Variants in CATSPERT observed in about 807,000 individuals in gnomAD.
CATSPERT encodes the protein catsper channel auxiliary subunit tau, also known as cation channel sperm-associated targeting subunit tau.
chr2:201,618,844 C>G, the CATSPERT span: 4 of 1,554,632 alleles, frequency 2.6e-6, no homozygotes, highest in Non-Finnish European at 2.6e-6. Context: ...CACCACCCTC[C>G]AGGTGCCCTG....
At chr2:201,592,598 A>G in the CATSPERT span, among the ~76,000 whole-genome samples, 19 of 151,016 alleles carry the variant, frequency 1.3e-4, no homozygotes, top group African/African-American at 4.4e-4. Flanking sequence ...TCGGCTGTGA[A>G]TCCATCTGGT....
the CATSPERT span, chr2:201,557,087 A>T: frequency 6.6e-6 from 1 of 152,086 alleles, no homozygotes; most frequent in Admixed American, 6.6e-5. Flanking sequence ...AACTATTCAA[A>T]CCTTAAAACT....
chr2:201,576,521 C>A, the CATSPERT span, among the ~76,000 whole-genome samples: 6 of 152,194 alleles, frequency 3.9e-5, no homozygotes, highest in African/African-American at 1.4e-4. Context: ...TCCCCATAGG[C>A]CAGTTCGTTA....
At chr2:201,605,052 A>G in the CATSPERT span, among the ~76,000 whole-genome samples, 1 of 123,158 alleles carries the variant, frequency 8.1e-6, no homozygotes, top group African/African-American at 3.0e-5. Context: ...TCAAATATAT[A>G]TATACATACA....
chr2:201,491,581 CCA>C, the CATSPERT span: 1 of 1,536,914 alleles, frequency 6.5e-7, no homozygotes, highest in South Asian at 1.2e-5. Context: ...TGATTTTTCC[CCA>C]GTCTCTGTAT....
chr2:201,509,920 T>G, the CATSPERT span, among the ~76,000 whole-genome samples: 2 of 150,866 alleles, frequency 1.3e-5, no homozygotes, highest in Non-Finnish European at 2.9e-5. Context: ...TCAACCCTAA[T>G]ATATAATATA....
chr2:201,570,997 G>T, the CATSPERT span, among the ~76,000 whole-genome samples: 1 of 152,060 alleles, frequency 6.6e-6, no homozygotes, highest in Admixed American at 6.6e-5. Context: ...CTCTTGAAGG[G>T]CTTTTATTCC....
the CATSPERT span, among the ~76,000 whole-genome samples, chr2:201,582,887 C>T: frequency 1.3e-5 from 2 of 152,096 alleles, no homozygotes; most frequent in Non-Finnish European, 2.9e-5. Flanking sequence ...CGATATCAGC[C>T]TTCTTAAAGT....
the CATSPERT span, among the ~76,000 whole-genome samples, chr2:201,501,030 C>T: frequency 6.6e-6 from 1 of 151,862 alleles, no homozygotes; most frequent in African/African-American, 2.4e-5. Context: ...ACACAACATA[C>T]CAAAACTTAT....
chr2:201,543,793 C>A, the CATSPERT span, among the ~76,000 whole-genome samples: 2 of 152,036 alleles, frequency 1.3e-5, no homozygotes, highest in African/African-American at 4.8e-5. Flanking sequence ...ATCCTGCCAT[C>A]CGCAAACAAA....
At chr2:201,491,934 T>C in the CATSPERT span, 1 of 1,537,006 alleles carries the variant, frequency 6.5e-7, no homozygotes, top group Non-Finnish European at 8.7e-7. Flanking sequence ...TATCTGTAAG[T>C]ATTTCTGATG....
the CATSPERT span, among the ~76,000 whole-genome samples, chr2:201,488,676 C>T: frequency 6.6e-6 from 1 of 151,936 alleles, no homozygotes; most frequent in Non-Finnish European, 1.5e-5. Context: ...GATAGCCACA[C>T]CAAGGGAATG....
chr2:201,495,775 T>C, the CATSPERT span: 1 of 510,936 alleles, frequency 2.0e-6, no homozygotes. Context: ...TGGGAATGTG[T>C]ATTTTTTACA....
the CATSPERT span, among the ~76,000 whole-genome samples, chr2:201,611,844 C>G: frequency 6.6e-6 from 1 of 152,160 alleles, no homozygotes; most frequent in East Asian, 1.9e-4. Context: ...TTTGATTCCC[C>G]TTTGCCGTTT....
the CATSPERT span, among the ~76,000 whole-genome samples, chr2:201,496,735 A>C: frequency 6.6e-6 from 1 of 152,240 alleles, no homozygotes; most frequent in African/African-American, 2.4e-5. Context: ...TGTGGGAACA[A>C]TTACAGGATC....
chr2:201,502,901 T>G, the CATSPERT span, among the ~76,000 whole-genome samples: 5 of 152,040 alleles, frequency 3.3e-5, no homozygotes, highest in East Asian at 5.8e-4. Context: ...CTGTGTTGTT[T>G]TTTTTTTCTA....
chr2:201,600,047 A>C, the CATSPERT span, among the ~76,000 whole-genome samples: 1 of 152,218 alleles, frequency 6.6e-6, no homozygotes, highest in African/African-American at 2.4e-5. Context: ...AAGGATCTAG[A>C]ACTAGAAATA....
chr2:201,566,495 G>A, the CATSPERT span, among the ~76,000 whole-genome samples: 1 of 151,698 alleles, frequency 6.6e-6, no homozygotes, highest in Non-Finnish European at 1.5e-5. Flanking sequence ...TCAGAATGAA[G>A]GTTTCCAGCT....
chr2:201,598,448 T>C, the CATSPERT span, among the ~76,000 whole-genome samples: 1 of 152,010 alleles, frequency 6.6e-6, no homozygotes, highest in Non-Finnish European at 1.5e-5. Context: ...AAAGCTTCTG[T>C]AAGTTATGAT....
Sources: gnomAD v4.1 joint callset for allele counts (sites outside exome capture counted in the v4.1 genomes callset) on GRCh38, gnomAD v4.1.1 for gene constraint, MANE v1.5 for transcripts, NCBI Gene and HGNC (gene_info 2026-07-23, HGNC 2026-07-21) for gene names.